MCM3: variants seen among roughly 807,000 people sequenced by gnomAD.
The protein encoded by MCM3 is DNA replication licensing factor MCM3.
Under a neutral mutation model 91.3 loss-of-function variants are expected in MCM3, and 59 were observed. The observed-to-expected ratio is 0.65, with a 90% CI of 0.52 to 0.80. The LOEUF (loss-of-function observed/expected upper bound fraction) is 0.80, where lower values mean the gene tolerates loss of function less well. Among genes scored for constraint, MCM3 ranks in the 30% least tolerant of loss-of-function variants. The pLI, the probability that MCM3 is intolerant of heterozygous loss-of-function variation, is 0.00. For missense variants in MCM3, 919 were observed against 1,035.4 expected, an observed-to-expected ratio of 0.89 and a Z score of 1.54; for synonymous variants, 383 against 379.6, an observed-to-expected ratio of 1.01 and a Z score of -0.10.
At position 52,269,229 on chromosome 6, in the gene MCM3, A is replaced by G. The variant is rs767615016; in HGVS notation, c.1828-3T>C. On this transcript the variant is annotated splice_polypyrimidine_tract_variant and splice_region_variant and intron_variant, in intron 12 of 16. Coordinates refer to ENST00000596288, the MANE Select transcript of MCM3 (RefSeq NM_002388.6). ...GTTCGGGCTGTAACTGGAGATGTCT[A>G]GGGAAGAAAAGGGAGGATTGCTTAT... is the stretch of plus-strand genomic sequence containing the variant. 2 of 1,604,238 alleles carry G rather than the reference A, an allele frequency of 1.2e-6. No homozygotes were observed. Among genetic ancestry groups the G allele is most frequent in the Admixed American group, 3.3e-5 (2 of 59,766 alleles).
At position 52,277,534 on chromosome 6, in the gene MCM3, C is replaced by A. The variant is rs1270022822; in HGVS notation, c.1033+1G>T. On this transcript the variant is annotated splice_donor_variant, in intron 7 of 16. Transcript: ENST00000596288. LOFTEE classifies it high-confidence loss of function. ...TCTAAAGCAAATCCCCAACATCGTA[C>A]CTATTAGAAGAATATTGATGTCCCC... The A allele has an allele frequency of 6.2e-7, 1 of 1,611,958 alleles. No homozygotes were observed. Among genetic ancestry groups the A allele is most frequent in the Admixed American group, 1.7e-5 (1 of 59,652 alleles).
At chr6:52,282,585 T>C (rs1484232272) in intron 3 of MCM3, 68 bp downstream of exon 3, 1 of 1,479,888 alleles carries the variant, frequency 6.8e-7, no homozygotes, top group African/African-American at 1.4e-5. Context: ...CAGATCTACT[T>C]TGCCTCTCCT....
Position 52,282,666 on chromosome 6 carries a change from G to A in MCM3, c.387C>T (p.Gly129=), listed in dbSNP as rs771471449. 3.1e-6 allele frequency: 5 copies of A among 1,613,078 alleles called. No homozygotes were observed. In the South Asian group the frequency reaches 4.4e-5, roughly 14 times the overall value. ...TAACCCACTTACATTTAGTGACAAT[G>A]CCCTCCACACAGACCACACAGCTGA... ...CFLSCVVCVE[G]IVTKCSLVRP... is the part of the protein sequence containing the mutation. Residue 129 remains glycine, a synonymous_variant, in exon 3 of 17, where the codon GGC becomes GGT. Coordinates refer to ENST00000596288, the MANE Select transcript of MCM3 (RefSeq NM_002388.6).
chr6:52,277,606 A>C lies in MCM3; in HGVS notation c.962T>G (p.Leu321Arg). ...DYVKKAILCLLLGGVERDLEN... is the reference protein window; with the variant it reads ...DYVKKAILCLRLGGVERDLEN... ...TAGGTCTCGTTCCACCCCTCCCAAG[A>C]GCAAGCAGAGGATTGCTTTCTTGAC... The change falls in exon 7 of 17, where the codon CTC becomes CGC. Residue 321 changes from leucine (L) to arginine (R), a missense_variant. Transcript: ENST00000596288. The C allele has an allele frequency of 6.2e-7, 1 of 1,614,038 alleles. No individual in the cohort carries two copies. The highest frequency in any genetic ancestry group is 8.5e-7 in the Non-Finnish European group (1 of 1,179,990).
At chr6:52,270,328 CA>C (rs35565084) in intron 12 of MCM3, among the ~76,000 whole-genome samples, 52,230 of 103,000 alleles carry the variant, frequency 0.51, 9,912 homozygotes, top group Middle Eastern at 0.61. Flanking sequence ...GATTCCATCT[CA>C]AAAAAAAAAA....
Position 52,277,630 on chromosome 6 carries a change from A to C in MCM3, c.938T>G (p.Val313Gly). Residue 313 changes from valine to glycine, a missense_variant, in exon 7 of 17, where the codon GTC becomes GGC. Val to Gly is a moderately radical substitution (Grantham distance 109). Around this residue, in one of 3 missense-constraint regions of MCM3, gnomAD observed 401 missense variants for 402.7 expected, o/e 1.00. Coordinates refer to ENST00000596288, the MANE Select transcript of MCM3 (RefSeq NM_002388.6). ...LAPSIHGHDY[V>G]KKAILCLLLG... The stretch of plus-strand genomic sequence containing the variant: ...GAGCAAGCAGAGGATTGCTTTCTTG[A>C]CATAGTCATGCCCATGGATACTTGG... 1 of 1,614,076 alleles carries C rather than the reference A, an allele frequency of 6.2e-7. No homozygotes were observed. The highest frequency in any genetic ancestry group is 1.1e-5 in the South Asian group (1 of 91,078).
Position 52,264,529 on chromosome 6 carries a change from G to C in MCM3, c.*59C>G. 1 of 1,577,628 alleles carries C rather than the reference G, an allele frequency of 6.3e-7. No individual in the cohort carries two copies. The highest frequency in any genetic ancestry group is 8.7e-7 in the Non-Finnish European group (1 of 1,148,158). ...GAGGCAAAGACTTGGGTCAGGGAGA[G>C]GGTGGGAAACACAGAACAAACTCTC... On this transcript the variant is annotated 3_prime_UTR_variant, in exon 17 of 17. Coordinates refer to ENST00000596288, the MANE Select transcript of MCM3 (RefSeq NM_002388.6).
chr6:52,269,012 CG>C, intron 13 of MCM3, 73 bp downstream of exon 13: 1 of 1,487,396 alleles, frequency 6.7e-7, no homozygotes, highest in Non-Finnish European at 9.1e-7. Flanking sequence ...CCGTCAGCCA[CG>C]GAAGGCTGGG....
At chr6:52,279,337 T>C in intron 5 of MCM3, 24 bp downstream of exon 5, 4 of 1,583,538 alleles carry the variant, frequency 2.5e-6, no homozygotes, top group Non-Finnish European at 3.5e-6. Flanking sequence ...CAGCATTCCA[T>C]ATACTTTAAG....
intron 6 of MCM3, 37 bp downstream of exon 6, chr6:52,278,705 C>T (rs1425592700): frequency 1.4e-6 from 2 of 1,430,054 alleles, no homozygotes; most frequent in Non-Finnish European, 2.0e-6. Context: ...TCTTAGAAAT[C>T]CATTCCCACC....
In MCM3 at chr6:52,275,946, A is replaced by G. The variant is rs74414622; in HGVS notation, c.1374+322T>C. ...GAGAAGCAAGTCTTTTCGTTTTCAT[A>G]CTATATACCTGTTCTGTTTAGAAAT... On this transcript the variant is annotated intron_variant, in intron 9 of 16. Transcript: ENST00000596288. 914 of 199,356 alleles carry G rather than the reference A, an allele frequency of 4.6e-3. 8 individuals carry two copies. Among genetic ancestry groups the G allele is most frequent in the African/African-American group, 0.02 (874 of 43,414 alleles). 12.3% of individuals were successfully genotyped at this position (199,356 alleles called of 1,614,324 possible).
At chr6:52,281,676 T>C (rs1766109321) in intron 4 of MCM3, among the ~76,000 whole-genome samples, 1 of 145,698 alleles carries the variant, frequency 6.9e-6, no homozygotes. Flanking sequence ...ATCCCGTCTC[T>C]AAAAAAAAAA....
chr6:52,268,417 CAA>C lies in MCM3; in HGVS notation c.1969-451_1969-450del, dbSNP rs541914610. ...ACTTACAACTCAACCCTTAACCTAGCAAAAAGTGAGGACGAGTTTATCAGACT... is the reference window on the plus strand; with the variant it reads ...ACTTACAACTCAACCCTTAACCTAGCAAAGTGAGGACGAGTTTATCAGACT... On this transcript the variant is annotated intron_variant, in intron 13 of 16. Coordinates refer to ENST00000596288, the MANE Select transcript of MCM3 (RefSeq NM_002388.6). Among the ~76,000 whole-genome samples, 449 of 152,036 alleles carry C rather than the reference CAA, an allele frequency of 3.0e-3. 1 individual carries two copies. Among genetic ancestry groups the C allele is most frequent in the African/African-American group, 0.01 (434 of 41,466 alleles).
At position 52,282,113 on chromosome 6, in the gene MCM3, T is replaced by C. The variant is rs760978629; in HGVS notation, c.463A>G (p.Ile155Val). 14 of 1,613,948 alleles carry C rather than the reference T, an allele frequency of 8.7e-6. No homozygotes were observed. The highest frequency in any genetic ancestry group is 1.2e-5 in the Non-Finnish European group (14 of 1,179,916). ...VHYCPATKKT[I>V]ERRYSDLTTL... ...GTGAGATCAGAATAACGTCGCTCTATGGTCTTCTTAGTAGCAGGACAGTAG... is the reference window on the plus strand; with the variant it reads ...GTGAGATCAGAATAACGTCGCTCTACGGTCTTCTTAGTAGCAGGACAGTAG... The change falls in exon 4 of 17, where the codon ATA becomes GTA. Residue 155 changes from isoleucine (I) to valine (V), a missense_variant. Transcript: ENST00000596288.
rs555310154 is a variant in MCM3, at chr6:52,277,809, C to T, written c.880-121G>A. The T allele has an allele frequency of 4.8e-6, 4 of 825,248 alleles. No homozygotes were observed. The East Asian group carries it at 1.1e-4, about 22-fold the overall frequency. 51.1% of individuals were successfully genotyped at this position (825,248 alleles called of 1,614,324 possible). A position where few individuals can be genotyped will look rare whatever the true frequency, so the allele number is the denominator to read the frequency against. ...GAGGGCCAGGCGCAGTGGCTCAGGT[C>T]TGTAATCCTAGCACTTTGGGAGGCC... On this transcript the variant is annotated intron_variant, in intron 6 of 16. Coordinates refer to ENST00000596288, the MANE Select transcript of MCM3 (RefSeq NM_002388.6).
chr6:52,276,543 C>T (rs1765583810), intron 8 of MCM3, 67 bp from the exon 9 acceptor site: 2 of 1,285,382 alleles, frequency 1.6e-6, no homozygotes, highest in Non-Finnish European at 2.2e-6. Context: ...GGAAGGATTT[C>T]AATCTCCTTC....
chr6:52,277,780 TGAA>T (rs2128281596), intron 6 of MCM3, 92 bp from the exon 7 acceptor site: 2 of 1,230,510 alleles, frequency 1.6e-6, no homozygotes, highest in South Asian at 2.8e-5. Context: ...AGAAAATACT[TGAA>T]GAGGGCCAGG....
In MCM3 at chr6:52,277,076, G is replaced by A; in HGVS notation, c.1156C>T (p.Gln386Ter). The A allele has an allele frequency of 6.2e-7, 1 of 1,613,850 alleles. No homozygotes were observed. Among genetic ancestry groups the A allele is most frequent in the Non-Finnish European group, 8.5e-7 (1 of 1,179,852 alleles). Reference protein sequence around the residue: ...VGLTAAVTTDQETGERRLEAG... With the variant: ...VGLTAAVTTD Reference sequence around the variant, plus strand: ...ACCCTTACACCCTTACCTGTTTCCTGGTCTGTGGTGACAGCAGCCGTCAGA... The same window carrying A: ...ACCCTTACACCCTTACCTGTTTCCTAGTCTGTGGTGACAGCAGCCGTCAGA... Residue 386 changes from glutamine (Q) to a stop codon, truncating the protein, a stop_gained, in exon 8 of 17, where the codon CAG (glutamine) becomes TAG (stop). Coordinates refer to ENST00000596288, the MANE Select transcript of MCM3 (RefSeq NM_002388.6). LOFTEE classifies it high-confidence loss of function.
At chr6:52,268,581 A>G (rs1183876624) in intron 13 of MCM3, among the ~76,000 whole-genome samples, 1 of 152,172 alleles carries the variant, frequency 6.6e-6, no homozygotes, top group Non-Finnish European at 1.5e-5. Flanking sequence ...TTGAGGCTTG[A>G]TATCTAAAAT....
Sources: gnomAD v4.1 joint callset for allele counts (sites outside exome capture counted in the v4.1 genomes callset) on GRCh38, gnomAD v4.1.1 for gene constraint, gnomAD v4.1.1 regional missense constraint, MANE v1.5 for transcripts, NCBI Gene and HGNC (gene_info 2026-07-23, HGNC 2026-07-21) for gene names.